Variants in BCL2L11 observed in about 807,000 individuals in gnomAD.
BCL2L11 encodes BCL2 like 11.
A neutral mutation model predicts 20.6 loss-of-function variants in BCL2L11; 15 were observed. The observed-to-expected ratio is 0.73, with a 90% CI of 0.49 to 1.12. BCL2L11 has a LOEUF of 1.12. BCL2L11 is among the 50% of genes most tolerant of loss of function. The pLI is 0.00. For synonymous variants in BCL2L11, 108 were observed against 92.8 expected (o/e 1.16, Z -0.94); for missense variants, 292 against 260.9 (o/e 1.12, Z -0.82).
chr2:111,162,378 C>G (rs2078669994), intron 3 of BCL2L11, among the ~76,000 whole-genome samples: 1 of 152,168 alleles, frequency 6.6e-6, no homozygotes, highest in Non-Finnish European at 1.5e-5. Flanking sequence ...GTAACTTTTG[C>G]CAAAATTTCC....
At chr2:111,145,523 G>T (rs375191233) in intron 2 of BCL2L11, among the ~76,000 whole-genome samples, 1 of 152,006 alleles carries the variant, frequency 6.6e-6, no homozygotes, top group Non-Finnish European at 1.5e-5. Flanking sequence ...GTTTCCTGCC[G>T]TGGCTGCTGC....
At position 111,128,106 on chromosome 2, in the gene BCL2L11, C is replaced by T. The variant is rs1179701439; in HGVS notation, c.394+3967C>T. ...TCATTAAACAACTCCCCATTTCCCC[C>T]TCCCCCCAGCTTCTGACAACCACCA... On this transcript the variant is annotated intron_variant, in intron 2 of 3. Coordinates refer to ENST00000393256, the MANE Select transcript of BCL2L11 (RefSeq NM_138621.5). Among the ~76,000 whole-genome samples, 4 of 152,020 alleles carry T rather than the reference C, an allele frequency of 2.6e-5. 1 individual carries two copies. The East Asian group carries it at 5.9e-4, about 22-fold the overall frequency.
rs144359421 is a variant in BCL2L11 at position 111,142,052 on chromosome 2, A to G, written c.395-7992A>G. On this transcript the variant is annotated intron_variant, in intron 2 of 3. Transcript: ENST00000393256. ...ACACAGTGTGTTTCTCATCTAGGAT[A>G]CAGACTCACTGGGCAGCAGCCGTGT... is the stretch of plus-strand genomic sequence containing the variant. Among the ~76,000 whole-genome samples, 1,447 of 152,238 alleles carry G rather than the reference A, an allele frequency of 9.5e-3. 8 individuals carry two copies. Among genetic ancestry groups the G allele is most frequent in the Non-Finnish European group, 0.015 (1,052 of 67,978 alleles).
chr2:111,124,261 G>A (rs2150149186), intron 2 of BCL2L11, 122 bp downstream of exon 2: 6 of 1,213,122 alleles, frequency 4.9e-6, no homozygotes, highest in Non-Finnish European at 6.8e-6. Flanking sequence ...TCTTTAGATG[G>A]GAATGGAGGA....
At chr2:111,147,344 TCTCACACACACACACACACA>T (rs2076667876) in intron 2 of BCL2L11, among the ~76,000 whole-genome samples, 1 of 132,598 alleles carries the variant, frequency 7.5e-6, no homozygotes, top group Non-Finnish European at 1.6e-5. Context: ...TCTCTCTCTC[TCTCACACACACACACACACA>T]CACACACACA....
At chr2:111,137,396 G>A (rs1042171780) in intron 2 of BCL2L11, among the ~76,000 whole-genome samples, 4 of 152,168 alleles carry the variant, frequency 2.6e-5, no homozygotes, top group African/African-American at 9.7e-5. Flanking sequence ...GTCTCTTGGT[G>A]TATTCCTCAT....
chr2:111,144,654 C>A, intron 2 of BCL2L11: 1 of 1,177,546 alleles, frequency 8.5e-7, no homozygotes, highest in Non-Finnish European at 1.2e-6. Flanking sequence ...GAATAAACAT[C>A]CTGGAATTTT....
At chr2:111,132,565 A>G (rs1291892071) in intron 2 of BCL2L11, among the ~76,000 whole-genome samples, 2 of 152,244 alleles carry the variant, frequency 1.3e-5, no homozygotes, top group African/African-American at 2.4e-5. Context: ...TTATTTGCAT[A>G]AAGTGCAACA....
chr2:111,165,913 T>A lies in BCL2L11; in HGVS notation c.*1682T>A, dbSNP rs934741825. The A allele has an allele frequency of 6.6e-6, 1 of 152,234 alleles. No individual in the cohort carries two copies. Among genetic ancestry groups the A allele is most frequent in the Non-Finnish European group, 1.5e-5 (1 of 68,030 alleles). 9.4% of individuals were successfully genotyped at this position (152,234 alleles called of 1,614,324 possible). Reference sequence around the variant, plus strand: ...ATTTTTATCTTCATAATTTAAAAAATATATATGTATATATTGCATATTCAC... The same window carrying A: ...ATTTTTATCTTCATAATTTAAAAAAAATATATGTATATATTGCATATTCAC... On this transcript the variant is annotated 3_prime_UTR_variant, in exon 4 of 4. Coordinates refer to ENST00000393256, the MANE Select transcript of BCL2L11 (RefSeq NM_138621.5).
At chr2:111,147,791 AG>A (rs2076756659) in intron 2 of BCL2L11, among the ~76,000 whole-genome samples, 2 of 152,046 alleles carry the variant, frequency 1.3e-5, no homozygotes, top group Admixed American at 6.5e-5. Flanking sequence ...GGAAATTGAC[AG>A]GGGGAATTAT....
At chr2:111,130,109 C>CTTTTT in intron 2 of BCL2L11, 24 of 341,050 alleles carry the variant, frequency 7.0e-5, no homozygotes, top group South Asian at 1.1e-4. Flanking sequence ...TTTTACTTCT[C>CTTTTT]TTTTTTTTTT....
At chr2:111,150,388 T>G (rs1220772376) in intron 3 of BCL2L11, 1 of 616,080 alleles carries the variant, frequency 1.6e-6, no homozygotes, top group African/African-American at 1.9e-5. Flanking sequence ...GCACAGACTT[T>G]AAAACAATGC....
At chr2:111,138,012 C>CTTTT (rs66601807) in intron 2 of BCL2L11, among the ~76,000 whole-genome samples, 43 of 127,130 alleles carry the variant, frequency 3.4e-4, no homozygotes, top group Non-Finnish European at 5.3e-4. Flanking sequence ...TTCTTTCTTT[C>CTTTT]TTTTTTTTTT....
intron 3 of BCL2L11, among the ~76,000 whole-genome samples, chr2:111,162,598 T>C (rs1171017618): frequency 6.6e-6 from 1 of 152,200 alleles, no homozygotes; most frequent in Non-Finnish European, 1.5e-5. Flanking sequence ...ACTTACCAAG[T>C]GTCAGCAGTT....
chr2:111,140,983 C>T (rs181850822), intron 2 of BCL2L11, among the ~76,000 whole-genome samples: 59 of 152,334 alleles, frequency 3.9e-4, no homozygotes, highest in African/African-American at 1.3e-3. Flanking sequence ...GGTGTTGACT[C>T]ATCTTTGTGT....
chr2:111,160,240 C>T (rs1252007246), intron 3 of BCL2L11, among the ~76,000 whole-genome samples: 1 of 152,258 alleles, frequency 6.6e-6, no homozygotes, highest in Non-Finnish European at 1.5e-5. Flanking sequence ...CTGGTGCCTT[C>T]CTGCCCTGGC....
intron 2 of BCL2L11, among the ~76,000 whole-genome samples, chr2:111,144,190 C>A (rs1240371584): frequency 6.6e-6 from 1 of 152,138 alleles, no homozygotes; most frequent in Non-Finnish European, 1.5e-5. Flanking sequence ...ATGTGACTGC[C>A]CAGGCTTTTG....
At position 111,149,639 on chromosome 2, in the gene BCL2L11, C is replaced by T. The variant is rs987061799; in HGVS notation, c.395-405C>T. ...TTGAAAGTTATATAGGAATATTTGC[C>T]TTGTAATAAGATCAGAATGATTATT... On this transcript the variant is annotated intron_variant, in intron 2 of 3. Transcript: ENST00000393256. Among the ~76,000 whole-genome samples the T allele has an allele frequency of 3.3e-5, 5 of 152,086 alleles. 1 individual carries two copies. The highest frequency in any genetic ancestry group is 1.3e-4 in the Admixed American group (2 of 15,268).
intron 2 of BCL2L11, among the ~76,000 whole-genome samples, chr2:111,137,367 C>T (rs1575020256): frequency 6.6e-6 from 1 of 152,200 alleles, no homozygotes; most frequent in Non-Finnish European, 1.5e-5. Flanking sequence ...TCCATTCCTT[C>T]TTTGTTAGAC....
Sources: gnomAD v4.1 joint callset for allele counts (sites outside exome capture counted in the v4.1 genomes callset) on GRCh38, gnomAD v4.1.1 for gene constraint, MANE v1.5 for transcripts, NCBI Gene and HGNC (gene_info 2026-07-23, HGNC 2026-07-21) for gene names.